Variants in PREX2 observed in about 807,000 individuals in gnomAD.
PREX2 encodes phosphatidylinositol 3,4,5-trisphosphate-dependent Rac exchanger 2 protein.
In PREX2, 107 loss-of-function variants were observed where a neutral mutation model predicts 203.2. That is an observed-to-expected ratio of 0.53 (90% CI 0.45 to 0.62). The LOEUF is 0.62. Among genes scored for constraint, PREX2 ranks in the 20% least tolerant of loss-of-function variants. The pLI is 0.00. For synonymous variants in PREX2, 672 were observed against 663.6 expected, an observed-to-expected ratio of 1.01 and a Z score of -0.19; for missense variants, 1,777 against 1,955.9, an observed-to-expected ratio of 0.91 and a Z score of 1.72.
intron 17 of PREX2, among the ~76,000 whole-genome samples, 191 bp from the exon 18 acceptor site, chr8:68,083,049 A>G (rs1809578090): frequency 6.6e-6 from 1 of 152,222 alleles, no homozygotes; most frequent in Admixed American, 6.5e-5. Flanking sequence ...TTCAAATTTA[A>G]AACTATGCCA....
intron 9 of PREX2, 79 bp downstream of exon 9, chr8:68,053,325 G>A: frequency 6.8e-7 from 1 of 1,460,236 alleles, no homozygotes; most frequent in South Asian, 1.2e-5. Context: ...GAAAACATGA[G>A]AAAATGGAAA....
At chr8:68,075,409 A>G (rs1183663865) in intron 14 of PREX2, among the ~76,000 whole-genome samples, 3 of 152,188 alleles carry the variant, frequency 2.0e-5, no homozygotes, top group Admixed American at 2.0e-4. Context: ...TCTGCCTTGA[A>G]GTGATGTTGG....
intron 33 of PREX2, among the ~76,000 whole-genome samples, chr8:68,140,882 G>A (rs974031552): frequency 2.0e-5 from 3 of 151,958 alleles, no homozygotes; most frequent in Non-Finnish European, 4.4e-5. Context: ...TCTCACTTTT[G>A]CATGAAAAGA....
At chr8:67,965,823 A>G (rs1276841013) in intron 1 of PREX2, among the ~76,000 whole-genome samples, 2 of 152,150 alleles carry the variant, frequency 1.3e-5, no homozygotes, top group Admixed American at 6.5e-5. Context: ...AGCAAGGACA[A>G]TTAGCACAAC....
At chr8:68,209,831 A>C (rs1812710939) in intron 37 of PREX2, among the ~76,000 whole-genome samples, 1 of 152,252 alleles carries the variant, frequency 6.6e-6, no homozygotes, top group Non-Finnish European at 1.5e-5. Flanking sequence ...CGCTTTCTAC[A>C]GCTGATCAAA....
At chr8:68,036,296 C>A (rs1414197309) in intron 6 of PREX2, among the ~76,000 whole-genome samples, 3 of 152,108 alleles carry the variant, frequency 2.0e-5, no homozygotes, top group Non-Finnish European at 4.4e-5. Flanking sequence ...ATACAAAATA[C>A]TCCTTGCATT....
At chr8:68,103,790 G>A (rs908101489) in intron 23 of PREX2, 1 of 508,962 alleles carries the variant, frequency 2.0e-6, no homozygotes, top group Non-Finnish European at 3.9e-6. Flanking sequence ...GTCCTTTCTT[G>A]TGGGGGCTCC....
chr8:68,008,638 T>C (rs1585701386), intron 1 of PREX2, among the ~76,000 whole-genome samples: 3 of 152,194 alleles, frequency 2.0e-5, no homozygotes, highest in African/African-American at 7.2e-5. Flanking sequence ...AAACCTCATC[T>C]TGAATTGTAG....
At chr8:68,087,967 A>G (rs1028376340) in intron 19 of PREX2, among the ~76,000 whole-genome samples, 158 bp downstream of exon 19, 1 of 151,940 alleles carries the variant, frequency 6.6e-6, no homozygotes, top group Non-Finnish European at 1.5e-5. Flanking sequence ...AGAAACATTA[A>G]AAAAACGAAA....
At chr8:68,037,808 A>G (rs1245142448) in intron 6 of PREX2, among the ~76,000 whole-genome samples, 1 of 152,172 alleles carries the variant, frequency 6.6e-6, no homozygotes, top group Non-Finnish European at 1.5e-5. Flanking sequence ...GAGGAAAAAG[A>G]GAACAAAGAA....
intron 25 of PREX2, among the ~76,000 whole-genome samples, chr8:68,113,638 A>G (rs1178494835): frequency 6.6e-6 from 1 of 152,204 alleles, no homozygotes; most frequent in Non-Finnish European, 1.5e-5. Flanking sequence ...AACCTATAAA[A>G]TGTCAAAATA....
intron 1 of PREX2, among the ~76,000 whole-genome samples, chr8:67,968,391 AG>A (rs1805834296): frequency 6.6e-6 from 1 of 152,188 alleles, no homozygotes; most frequent in African/African-American, 2.4e-5. Flanking sequence ...ATATTTCTTA[AG>A]CAGCCTTTTG....
chr8:67,956,387 A>G (rs777092781), intron 1 of PREX2, among the ~76,000 whole-genome samples: 6 of 152,216 alleles, frequency 3.9e-5, no homozygotes, highest in Non-Finnish European at 8.8e-5. Context: ...GCTGAGAAGG[A>G]TGCCCAGCTT....
chr8:68,149,899 A>G (rs993153904), intron 34 of PREX2, among the ~76,000 whole-genome samples: 1 of 152,238 alleles, frequency 6.6e-6, no homozygotes, highest in Non-Finnish European at 1.5e-5. Context: ...TTATTTAATT[A>G]GACTAATTCA....
intron 24 of PREX2, 50 bp from the exon 25 acceptor site, chr8:68,109,366 C>A: frequency 7.2e-7 from 1 of 1,380,642 alleles, no homozygotes; most frequent in African/African-American, 1.5e-5. Context: ...GGGTTGTTAT[C>A]GCAAGTTAAA....
chr8:68,123,835 T>A (rs968452419), intron 30 of PREX2, among the ~76,000 whole-genome samples: 17 of 151,776 alleles, frequency 1.1e-4, no homozygotes, highest in Non-Finnish European at 2.2e-4. Context: ...CTACCAGATG[T>A]ACACAGAAGA....
At chr8:68,223,332 GT>G (rs1281193062) in intron 38 of PREX2, 1 of 152,180 alleles carries the variant, frequency 6.6e-6, no homozygotes, top group Non-Finnish European at 1.5e-5. Flanking sequence ...GACTGGTTAA[GT>G]GCAGTGGTGA....
chr8:68,130,170 G>T (rs940203611), intron 31 of PREX2, among the ~76,000 whole-genome samples: 1 of 151,282 alleles, frequency 6.6e-6, no homozygotes, highest in Non-Finnish European at 1.5e-5. Flanking sequence ...CACACCTGCA[G>T]TCCCAGCTAT....
In PREX2 at chr8:68,093,593, C is replaced by G. The variant is rs759978783; in HGVS notation, c.2251-12C>G. Reference sequence around the variant, plus strand: ...TAATACCTCTGAGGTTTCTTTCCCCCCTCATTTCCAGCAAGATTCCATACA... The same window carrying G: ...TAATACCTCTGAGGTTTCTTTCCCCGCTCATTTCCAGCAAGATTCCATACA... On this transcript the variant is annotated splice_polypyrimidine_tract_variant and intron_variant, in intron 20 of 39. Transcript: ENST00000288368. 3.2e-5 allele frequency: 44 copies of G among 1,390,614 alleles called. No homozygotes were observed. Among genetic ancestry groups the G allele is most frequent in the Admixed American group, 7.2e-5 (4 of 55,900 alleles). The allele number at this position is 1,390,614 out of a possible 1,614,324, so 86.1% of individuals were successfully genotyped here.
Sources: gnomAD v4.1 joint callset for allele counts (sites outside exome capture counted in the v4.1 genomes callset) on GRCh38, gnomAD v4.1.1 for gene constraint, MANE v1.5 for transcripts, NCBI Gene and HGNC (gene_info 2026-07-23, HGNC 2026-07-21) for gene names.